Variants in ZNF407 observed in about 807,000 individuals in gnomAD.
ZNF407 encodes the protein zinc finger protein 407.
A neutral mutation model predicts 131.2 loss-of-function variants in ZNF407; 17 were observed. That is an observed-to-expected ratio of 0.13 (90% CI 0.09 to 0.19). The LOEUF (loss-of-function observed/expected upper bound fraction) is 0.19, where lower values mean the gene tolerates loss of function less well. Among genes scored for constraint, ZNF407 ranks in the 10% least tolerant of loss-of-function variants. The pLI is 1.00. For missense variants in ZNF407, 2,681 were observed against 2,830.6 expected, an observed-to-expected ratio of 0.95 and a Z score of 1.20; for synonymous variants, 1,156 against 1,062.0, an observed-to-expected ratio of 1.09 and a Z score of -1.72.
chr18:75,060,507 C>CTTTTTTTTTTTT (rs564194650), intron 8 of ZNF407, among the ~76,000 whole-genome samples: 3 of 124,464 alleles, frequency 2.4e-5, no homozygotes, highest in Non-Finnish European at 3.2e-5. Flanking sequence ...TTCTTTTTTT[C>CTTTTTTTTTTTT]TTTTTTTTTT....
chr18:74,615,959 G>T (rs901959566), intron 1 of ZNF407, among the ~76,000 whole-genome samples: 1 of 152,050 alleles, frequency 6.6e-6, no homozygotes, highest in African/African-American at 2.4e-5. Context: ...CGCCTCCCGG[G>T]TTCAAGTGAT....
intron 1 of ZNF407, among the ~76,000 whole-genome samples, chr18:74,623,377 T>A (rs1435478284): frequency 6.6e-6 from 1 of 152,062 alleles, no homozygotes; most frequent in Non-Finnish European, 1.5e-5. Flanking sequence ...TGACTTTGGG[T>A]GTGTGCACAT....
intron 8 of ZNF407, among the ~76,000 whole-genome samples, chr18:74,930,871 G>A (rs1971975312): frequency 6.6e-6 from 1 of 152,152 alleles, no homozygotes; most frequent in South Asian, 2.1e-4. Context: ...CTACCTTAAG[G>A]AGACCTGGTT....
chr18:74,720,166 A>G (rs1032378205), intron 3 of ZNF407, among the ~76,000 whole-genome samples: 1 of 122,052 alleles, frequency 8.2e-6, no homozygotes, highest in East Asian at 2.7e-4. Context: ...CATCCTTGCC[A>G]GCATTTGCTA....
chr18:74,974,730 G>T (rs950906476), intron 8 of ZNF407, among the ~76,000 whole-genome samples: 1 of 152,134 alleles, frequency 6.6e-6, no homozygotes, highest in Non-Finnish European at 1.5e-5. Context: ...GATCATCAGA[G>T]TTCTTCATGC....
At chr18:74,902,773 G>A (rs1971545718) in intron 7 of ZNF407, among the ~76,000 whole-genome samples, 1 of 152,188 alleles carries the variant, frequency 6.6e-6, no homozygotes, top group Admixed American at 6.5e-5. Flanking sequence ...GTACAGCATA[G>A]AGTTAAAGCT....
At chr18:74,977,686 C>T (rs181499023) in intron 8 of ZNF407, among the ~76,000 whole-genome samples, 15 of 152,296 alleles carry the variant, frequency 9.8e-5, no homozygotes, top group African/African-American at 2.9e-4. Flanking sequence ...GATCGGCCAC[C>T]GAAAGTGTTC....
In ZNF407 at chr18:74,888,472, C is replaced by T. The variant is rs146238665; in HGVS notation, c.5129-1446C>T. On this transcript the variant is annotated intron_variant, in intron 6 of 8. Coordinates refer to ENST00000299687, the MANE Select transcript of ZNF407 (RefSeq NM_017757.3). ...TATTTTTATCATAATCTTTGTACTA[C>T]GATTTTGAAATTTGGTATTTTACAA... is the stretch of plus-strand genomic sequence containing the variant. 6.6e-4 allele frequency among the ~76,000 whole-genome samples: 100 copies of T among 152,114 alleles called. 1 individual carries two copies. The Middle Eastern group carries it at 0.01, about 16-fold the overall frequency.
intron 7 of ZNF407, among the ~76,000 whole-genome samples, chr18:74,908,989 A>G (rs1001493260): frequency 1.3e-5 from 2 of 152,014 alleles, no homozygotes; most frequent in Admixed American, 6.6e-5. Context: ...GGATTATTCT[A>G]TATGCATTTT....
chr18:74,849,052 C>CTTTTTTTTCTT (rs1970741409), intron 4 of ZNF407, among the ~76,000 whole-genome samples: 1 of 122,946 alleles, frequency 8.1e-6, no homozygotes, highest in Non-Finnish European at 1.7e-5. Context: ...ACTTTTGTTT[C>CTTTTTTTTCTT]TTTTTTTTTT....
At chr18:74,998,040 C>T (rs895454895) in intron 8 of ZNF407, among the ~76,000 whole-genome samples, 1 of 152,158 alleles carries the variant, frequency 6.6e-6, no homozygotes, top group Non-Finnish European at 1.5e-5. Flanking sequence ...TGATGTTCCT[C>T]ATCTCCAAGA....
chr18:74,728,113 G>GA (rs900084156), intron 3 of ZNF407, among the ~76,000 whole-genome samples: 3 of 152,094 alleles, frequency 2.0e-5, no homozygotes, highest in African/African-American at 4.8e-5. Flanking sequence ...ATATACATTA[G>GA]AAAAAACTGC....
intron 8 of ZNF407, among the ~76,000 whole-genome samples, chr18:74,985,112 A>C (rs867366811): frequency 6.6e-6 from 1 of 152,184 alleles, no homozygotes; most frequent in Non-Finnish European, 1.5e-5. Flanking sequence ...AGTGCATCCT[A>C]TATTCATAAA....
chr18:75,009,296 A>G (rs575173993), intron 8 of ZNF407, among the ~76,000 whole-genome samples: 37 of 152,240 alleles, frequency 2.4e-4, no homozygotes, highest in East Asian at 5.8e-4. Context: ...ACTTTTGTCT[A>G]TTTTTCTTGT....
chr18:74,692,765 C>G (rs1272968110), intron 3 of ZNF407, among the ~76,000 whole-genome samples: 1 of 152,114 alleles, frequency 6.6e-6, no homozygotes, highest in South Asian at 2.1e-4. Flanking sequence ...TGTTCTGGAG[C>G]TGAGAGGCCT....
At chr18:74,867,235 G>A (rs1292460327) in intron 4 of ZNF407, among the ~76,000 whole-genome samples, 1 of 152,078 alleles carries the variant, frequency 6.6e-6, no homozygotes, top group Non-Finnish European at 1.5e-5. Flanking sequence ...GTTGTCTTTG[G>A]CATATTAACT....
At chr18:74,836,147 AT>A (rs1345217377) in intron 4 of ZNF407, among the ~76,000 whole-genome samples, 1 of 152,180 alleles carries the variant, frequency 6.6e-6, no homozygotes, top group Non-Finnish European at 1.5e-5. Flanking sequence ...CTTAAAGAAA[AT>A]ATTTAGTCAT....
intron 3 of ZNF407, among the ~76,000 whole-genome samples, chr18:74,659,393 A>G (rs1985616756): frequency 6.6e-6 from 1 of 152,198 alleles, no homozygotes; most frequent in Non-Finnish European, 1.5e-5. Flanking sequence ...TAAAAAAGAT[A>G]CATTTATGTT....
chr18:74,779,260 T>C (rs1029084220), intron 3 of ZNF407, among the ~76,000 whole-genome samples: 3 of 150,142 alleles, frequency 2.0e-5, no homozygotes, highest in Non-Finnish European at 3.0e-5. Flanking sequence ...GGACTACAGG[T>C]GCCCGCCACC....
Sources: allele counts gnomAD v4.1 joint callset (sites outside exome capture counted in the v4.1 genomes callset), GRCh38; gene constraint gnomAD v4.1.1; transcripts MANE v1.5; gene names NCBI Gene and HGNC (gene_info 2026-07-23, HGNC 2026-07-21).